FGF14: variants seen among roughly 807,000 people sequenced by gnomAD.
The protein encoded by FGF14 is fibroblast growth factor homologous factor 4.
FGF14 carries 5 observed loss-of-function variants against 25.5 expected under a neutral mutation model. The ratio of observed to expected loss-of-function variants is 0.20; its 90% CI spans 0.10 to 0.41. The LOEUF is 0.41. Among genes scored for constraint, FGF14 ranks in the 10% least tolerant of loss-of-function variants. The probability of loss-of-function intolerance (pLI) is 1.00; values close to 1 mark genes in which losing one functional copy is unlikely to be tolerated. For missense variants in FGF14, 222 were observed against 320.1 expected (o/e 0.69, Z 2.34); for synonymous variants, 138 against 118.3 (o/e 1.17, Z -1.08).
intron 1 of FGF14, among the ~76,000 whole-genome samples, chr13:101,897,143 A>C (rs2030816301): frequency 1.3e-5 from 2 of 152,168 alleles, no homozygotes; most frequent in Non-Finnish European, 2.9e-5. Context: ...TGATCCATAG[A>C]CATGTGGAAA....
intron 1 of FGF14, among the ~76,000 whole-genome samples, chr13:102,271,320 T>C (rs975681622): frequency 2.6e-5 from 4 of 152,184 alleles, no homozygotes; most frequent in African/African-American, 9.7e-5. Context: ...TCCATCATAC[T>C]CATTCTTCTC....
intron 1 of FGF14, among the ~76,000 whole-genome samples, chr13:102,064,427 T>C (rs997776523): frequency 2.6e-5 from 4 of 152,112 alleles, no homozygotes; most frequent in African/African-American, 7.2e-5. Context: ...CTAAAAAACA[T>C]AAGTTGTTTA....
intron 1 of FGF14, among the ~76,000 whole-genome samples, chr13:101,891,672 G>T (rs971391120): frequency 5.3e-5 from 8 of 151,692 alleles, no homozygotes; most frequent in Non-Finnish European, 1.2e-4. Context: ...ATCTATATAT[G>T]TATTTCTATA....
At chr13:102,287,926 T>A (rs1424626565) in intron 1 of FGF14, among the ~76,000 whole-genome samples, 1 of 152,216 alleles carries the variant, frequency 6.6e-6, no homozygotes, top group Non-Finnish European at 1.5e-5. Context: ...TCAGTAGTTG[T>A]TTGTTCAATA....
intron 1 of FGF14, among the ~76,000 whole-genome samples, chr13:102,305,822 C>G (rs1458976287): frequency 6.6e-6 from 1 of 152,114 alleles, no homozygotes; most frequent in African/African-American, 2.4e-5. Context: ...CTTATAGATG[C>G]ACCTAAGGTT....
At chr13:102,095,468 T>C (rs184739546) in intron 1 of FGF14, among the ~76,000 whole-genome samples, 1 of 152,208 alleles carries the variant, frequency 6.6e-6, no homozygotes, top group African/African-American at 2.4e-5. Flanking sequence ...GGATTGGTAC[T>C]TACAGAAACA....
At chr13:101,947,388 T>C (rs1457105756) in intron 1 of FGF14, among the ~76,000 whole-genome samples, 1 of 152,214 alleles carries the variant, frequency 6.6e-6, no homozygotes, top group African/African-American at 2.4e-5. Flanking sequence ...CATTTGTATG[T>C]TCATCACAGT....
intron 3 of FGF14, among the ~76,000 whole-genome samples, chr13:101,796,455 C>T (rs944005388): frequency 1.3e-5 from 2 of 151,814 alleles, no homozygotes; most frequent in African/African-American, 4.8e-5. Context: ...GTTTTTGTGG[C>T]CTCTTACCAT....
intron 3 of FGF14, among the ~76,000 whole-genome samples, chr13:101,784,900 C>A (rs994921039): frequency 6.6e-6 from 1 of 152,142 alleles, no homozygotes; most frequent in African/African-American, 2.4e-5. Flanking sequence ...GTATCAGATG[C>A]TAAGGTGGCT....
chr13:102,076,261 T>C (rs2043359365), intron 1 of FGF14, among the ~76,000 whole-genome samples: 2 of 152,274 alleles, frequency 1.3e-5, no homozygotes, highest in Non-Finnish European at 1.5e-5. Flanking sequence ...TATCACTTTT[T>C]AATCTTTTAT....
chr13:102,374,554 T>C (rs1243048939), intron 1 of FGF14, among the ~76,000 whole-genome samples: 1 of 150,284 alleles, frequency 6.7e-6, no homozygotes, highest in Non-Finnish European at 1.5e-5. Context: ...CCATACCTTA[T>C]TCACTTTATT....
At chr13:102,039,636 T>C (rs2139989054) in intron 1 of FGF14, among the ~76,000 whole-genome samples, 1 of 152,246 alleles carries the variant, frequency 6.6e-6, no homozygotes, top group East Asian at 1.9e-4. Flanking sequence ...AAGATAACAG[T>C]CATATTGGAT....
chr13:102,321,304 T>C (rs1208218350), intron 1 of FGF14, among the ~76,000 whole-genome samples: 1 of 152,172 alleles, frequency 6.6e-6, no homozygotes, highest in African/African-American at 2.4e-5. Flanking sequence ...ATAAATAATA[T>C]GGTATGGCAT....
intron 1 of FGF14, among the ~76,000 whole-genome samples, chr13:102,206,459 T>C (rs893202499): frequency 6.6e-6 from 1 of 152,192 alleles, no homozygotes; most frequent in Non-Finnish European, 1.5e-5. Context: ...GGCGGGCAGA[T>C]CACTGGAGGT....
At chr13:102,230,062 T>A (rs752214566) in intron 1 of FGF14, among the ~76,000 whole-genome samples, 13 of 152,114 alleles carry the variant, frequency 8.5e-5, no homozygotes, top group Non-Finnish European at 1.8e-4. Context: ...GAGGTGGGAA[T>A]TTGGGGAGGA....
chr13:102,252,641 A>G (rs1355379777), intron 1 of FGF14, among the ~76,000 whole-genome samples: 3 of 151,676 alleles, frequency 2.0e-5, no homozygotes, highest in African/African-American at 7.3e-5. Context: ...TCTTATATGT[A>G]TTTTTATTGT....
intron 3 of FGF14, chr13:101,868,410 AC>A (rs2140446044): frequency 4.5e-6 from 1 of 221,136 alleles, no homozygotes; most frequent in African/African-American, 2.3e-5. Flanking sequence ...TCTTTTAAAA[AC>A]ATTATAAGAA....
intron 1 of FGF14, among the ~76,000 whole-genome samples, chr13:102,270,203 C>T (rs1171779998): frequency 6.6e-6 from 1 of 152,048 alleles, no homozygotes; most frequent in Non-Finnish European, 1.5e-5. Flanking sequence ...TATTCCTTCA[C>T]TTAGAAACAT....
chr13:101,861,374 T>C (rs2044407425), intron 3 of FGF14, among the ~76,000 whole-genome samples: 1 of 152,086 alleles, frequency 6.6e-6, no homozygotes, highest in South Asian at 2.1e-4. Context: ...GGCTTTATTT[T>C]CTTAGTGAAA....
Sources: allele counts gnomAD v4.1 joint callset (sites outside exome capture counted in the v4.1 genomes callset), GRCh38; gene constraint gnomAD v4.1.1; transcripts MANE v1.5; gene names NCBI Gene and HGNC (gene_info 2026-07-23, HGNC 2026-07-21).